Variants in DACH2 observed in about 807,000 individuals in gnomAD.
DACH2 encodes the protein dachshund family transcription factor 2, also known as dachshund homolog 2.
A neutral mutation model predicts 35.8 loss-of-function variants in DACH2; 17 were observed. That is an observed-to-expected ratio of 0.48 (90% CI 0.33 to 0.71). The LOEUF (loss-of-function observed/expected upper bound fraction) is 0.71, where lower values mean the gene tolerates loss of function less well. Among genes scored for constraint, DACH2 ranks in the 30% least tolerant of loss-of-function variants. DACH2 has a pLI of 0.02. For synonymous variants in DACH2, 195 were observed against 177.3 expected (o/e 1.10, Z -0.79); for missense variants, 469 against 472.7 (o/e 0.99, Z 0.07).
chrX:86,484,552 C>A (rs2037990756), intron 2 of DACH2, among the ~76,000 whole-genome samples: 1 of 112,148 alleles, frequency 8.9e-6, no homozygotes, highest in Non-Finnish European at 1.9e-5. Flanking sequence ...AATTAAGTAT[C>A]TTCAAAGGCG....
At chrX:86,451,993 T>C (rs1052998533) in intron 2 of DACH2, among the ~76,000 whole-genome samples, 2 of 111,788 alleles carry the variant, frequency 1.8e-5, no homozygotes, top group Admixed American at 1.9e-4. Context: ...TATTTTGAGG[T>C]ATGTTCCTTC....
chrX:86,545,030 G>A (rs934459558), intron 3 of DACH2, among the ~76,000 whole-genome samples: 10 of 111,376 alleles, frequency 9.0e-5, no homozygotes, highest in South Asian at 7.5e-4. Flanking sequence ...CCTGACCTCC[G>A]GTGATCCACC....
chrX:86,593,684 C>A (rs1380167987), intron 3 of DACH2, among the ~76,000 whole-genome samples: 1 of 110,614 alleles, frequency 9.0e-6, no homozygotes, highest in Admixed American at 9.7e-5. Flanking sequence ...GCCTCAGCCT[C>A]CCAAATTTCT....
intron 3 of DACH2, among the ~76,000 whole-genome samples, chrX:86,570,496 C>T (rs778375527): frequency 8.1e-5 from 9 of 111,187 alleles, no homozygotes; most frequent in South Asian, 3.8e-4. Context: ...GAACGGAAAA[C>T]GAAATACCAC....
At chrX:86,591,055 AG>A (rs1213478335) in intron 3 of DACH2, among the ~76,000 whole-genome samples, 1 of 109,679 alleles carries the variant, frequency 9.1e-6, no homozygotes, top group African/African-American at 3.3e-5. Context: ...CCCACCTATG[AG>A]TGAGAACATG....
chrX:86,658,896 G>A (rs575656304), intron 4 of DACH2, among the ~76,000 whole-genome samples: 6 of 111,423 alleles, frequency 5.4e-5, no homozygotes, highest in African/African-American at 1.9e-4. Flanking sequence ...TTATAACCAC[G>A]TAAATCTTTA....
At chrX:86,737,709 A>G (rs747906479) in intron 6 of DACH2, among the ~76,000 whole-genome samples, 2 of 111,628 alleles carry the variant, frequency 1.8e-5, no homozygotes, top group South Asian at 3.8e-4. Context: ...ATTTCTTTCT[A>G]TAGGCTCCAG....
At chrX:86,520,769 C>T (rs1463000224) in intron 3 of DACH2, among the ~76,000 whole-genome samples, 2 of 111,421 alleles carry the variant, frequency 1.8e-5, no homozygotes, top group African/African-American at 6.5e-5. Context: ...TTCTCCATCC[C>T]TTTATTTTTG....
chrX:86,452,697 C>T (rs1162991183), intron 2 of DACH2, among the ~76,000 whole-genome samples: 5 of 109,618 alleles, frequency 4.6e-5, no homozygotes, highest in Admixed American at 3.9e-4. Flanking sequence ...ATTGTGTTTG[C>T]TTCTTCTCTC....
At chrX:86,199,246 G>A (rs879232015) in intron 1 of DACH2, among the ~76,000 whole-genome samples, 1 of 111,270 alleles carries the variant, frequency 9.0e-6, no homozygotes, top group Non-Finnish European at 1.9e-5. Flanking sequence ...CAAAAAACTA[G>A]GTATTGAAGG....
intron 3 of DACH2, among the ~76,000 whole-genome samples, chrX:86,564,865 G>A (rs2039274742): frequency 1.8e-5 from 2 of 110,947 alleles, no homozygotes; most frequent in Non-Finnish European, 1.9e-5. Flanking sequence ...TTAGTGATGA[G>A]TTCATCCCAT....
intron 1 of DACH2, among the ~76,000 whole-genome samples, chrX:86,297,215 T>C (rs1427521212): frequency 1.8e-5 from 2 of 110,254 alleles, no homozygotes; most frequent in Non-Finnish European, 3.8e-5. Context: ...CTTAGGACAT[T>C]CTTTTGGGCA....
chrX:86,530,398 T>C (rs1319956946), intron 3 of DACH2, among the ~76,000 whole-genome samples: 2 of 111,759 alleles, frequency 1.8e-5, no homozygotes, highest in Admixed American at 9.5e-5. Context: ...TAGGAGATGA[T>C]TGGATCATGG....
Position 86,183,746 on chromosome X carries a change from A to G in DACH2, c.488+34638A>G, listed in dbSNP as rs111394790. Among the ~76,000 whole-genome samples, 622 of 111,526 alleles carry G rather than the reference A, an allele frequency of 5.6e-3. 3 individuals are homozygous for G. The highest frequency in any genetic ancestry group is 0.019 in the African/African-American group (587 of 30,660). ...TATTGTTTGGAATAGTTTCAGAAGG[A>G]ATGGTACCAGCTCCTCTTTGTACCT... On this transcript the variant is annotated intron_variant, in intron 1 of 11. Transcript: ENST00000373125.
intron 2 of DACH2, among the ~76,000 whole-genome samples, chrX:86,417,594 G>C (rs940971380): frequency 9.0e-6 from 1 of 111,027 alleles, no homozygotes; most frequent in African/African-American, 3.3e-5. Flanking sequence ...GAACAGTGCA[G>C]GAAAGACCCA....
At chrX:86,589,829 A>G (rs2039620839) in intron 3 of DACH2, among the ~76,000 whole-genome samples, 1 of 111,717 alleles carries the variant, frequency 9.0e-6, no homozygotes, top group Non-Finnish European at 1.9e-5. Flanking sequence ...AGCAATATGC[A>G]CTTAAGGTCT....
intron 2 of DACH2, among the ~76,000 whole-genome samples, chrX:86,435,597 G>A (rs1472678313): frequency 9.0e-6 from 1 of 111,604 alleles, no homozygotes; most frequent in East Asian, 2.8e-4. Context: ...TTTTTGCTTT[G>A]GAATGTCCAC....
At chrX:86,580,066 G>A (rs2148339637) in intron 3 of DACH2, among the ~76,000 whole-genome samples, 1 of 111,643 alleles carries the variant, frequency 9.0e-6, no homozygotes, top group African/African-American at 3.3e-5. Context: ...AAAGCTGGGA[G>A]CCCAGTACCA....
At chrX:86,741,987 AT>A (rs1462827002) in intron 7 of DACH2, among the ~76,000 whole-genome samples, 2 of 111,301 alleles carry the variant, frequency 1.8e-5, no homozygotes, top group Admixed American at 9.6e-5. Context: ...ATAGAAAAAA[AT>A]ATATTTATGA....
Sources: allele counts gnomAD v4.1 joint callset (sites outside exome capture counted in the v4.1 genomes callset), GRCh38; gene constraint gnomAD v4.1.1; transcripts MANE v1.5; gene names NCBI Gene and HGNC (gene_info 2026-07-23, HGNC 2026-07-21).